Variants in TOX observed in about 807,000 individuals in gnomAD.
TOX encodes thymocyte selection-associated high mobility group box protein TOX.
TOX carries 11 observed loss-of-function variants against 53.7 expected under a neutral mutation model. The ratio of observed to expected loss-of-function variants is 0.20; its 90% CI spans 0.13 to 0.34. The LOEUF is 0.34. Ranked by LOEUF, TOX falls within the 10% of genes least tolerant of loss-of-function variation. TOX has a pLI of 1.00. For synonymous variants in TOX, 225 were observed against 245.3 expected, an observed-to-expected ratio of 0.92 and a Z score of 0.77; for missense variants, 570 against 664.6, an observed-to-expected ratio of 0.86 and a Z score of 1.56.
intron 7 of TOX, among the ~76,000 whole-genome samples, chr8:58,808,741 C>CT (rs1810029668): frequency 6.6e-6 from 1 of 152,218 alleles, no homozygotes; most frequent in Admixed American, 6.5e-5. Flanking sequence ...TCTCAAACCT[C>CT]TTTTTCTTCA....
At chr8:59,065,237 A>AAC (rs1804065969) in intron 1 of TOX, among the ~76,000 whole-genome samples, 3 of 152,094 alleles carry the variant, frequency 2.0e-5, no homozygotes, top group East Asian at 3.8e-4. Flanking sequence ...ACAACAACAA[A>AAC]AAAACCATTT....
chr8:58,870,136 G>A (rs377456657), intron 3 of TOX, among the ~76,000 whole-genome samples: 5 of 151,862 alleles, frequency 3.3e-5, no homozygotes, highest in South Asian at 2.1e-4. Context: ...AAATAAGACC[G>A]ACTCTATTCA....
chr8:59,103,936 T>C (rs973375838), intron 1 of TOX, among the ~76,000 whole-genome samples: 1 of 152,222 alleles, frequency 6.6e-6, no homozygotes, highest in Admixed American at 6.5e-5. Context: ...TCTGGGCTTA[T>C]CAATTAAAAA....
At chr8:59,092,365 A>T (rs912388149) in intron 1 of TOX, among the ~76,000 whole-genome samples, 4 of 98,886 alleles carry the variant, frequency 4.0e-5, no homozygotes, top group Non-Finnish European at 7.0e-5. Context: ...TTATATATAT[A>T]TAATAAAAAA....
intron 3 of TOX, among the ~76,000 whole-genome samples, chr8:58,861,922 G>A (rs115733174): frequency 6.4e-4 from 97 of 152,202 alleles, no homozygotes; most frequent in African/African-American, 2.2e-3. Flanking sequence ...TTAGATACAC[G>A]TGACATTCAG....
intron 2 of TOX, among the ~76,000 whole-genome samples, chr8:58,950,947 T>TAACTAAGAAATTACTGCTTTGTAA (rs1812611633): frequency 6.6e-6 from 1 of 152,228 alleles, no homozygotes; most frequent in Non-Finnish European, 1.5e-5. Context: ...CTTTTATATG[T>TAACTAAGAAATTACTGCTTTGTAA]GCACAAGTAT....
At chr8:58,979,140 C>A (rs921236581) in intron 1 of TOX, among the ~76,000 whole-genome samples, 6 of 152,156 alleles carry the variant, frequency 3.9e-5, no homozygotes, top group Non-Finnish European at 7.4e-5. Context: ...TAAGTAGATA[C>A]AGGATTTTAC....
At chr8:59,021,147 C>A (rs1176769680) in intron 1 of TOX, among the ~76,000 whole-genome samples, 41 of 143,140 alleles carry the variant, frequency 2.9e-4, no homozygotes, top group African/African-American at 1.0e-3. Flanking sequence ...AATTTAATTT[C>A]TCTAAACCAA....
chr8:58,936,232 A>C (rs1181455516), intron 3 of TOX, among the ~76,000 whole-genome samples: 3 of 152,170 alleles, frequency 2.0e-5, no homozygotes, highest in African/African-American at 7.2e-5. Flanking sequence ...AACACTCTCC[A>C]ACATGCCTTT....
At chr8:58,948,232 C>A (rs1177915412) in intron 2 of TOX, among the ~76,000 whole-genome samples, 1 of 152,098 alleles carries the variant, frequency 6.6e-6, no homozygotes, top group Admixed American at 6.5e-5. Flanking sequence ...GCACCTGAAG[C>A]AGATCAAATG....
chr8:59,065,440 T>C (rs1163090093), intron 1 of TOX, among the ~76,000 whole-genome samples: 1 of 152,234 alleles, frequency 6.6e-6, no homozygotes, highest in East Asian at 1.9e-4. Flanking sequence ...CAAGTTTTGT[T>C]ATTAATGTTT....
At chr8:58,975,147 T>C (rs1813068467) in intron 1 of TOX, among the ~76,000 whole-genome samples, 1 of 150,054 alleles carries the variant, frequency 6.7e-6, no homozygotes, top group African/African-American at 2.5e-5. Flanking sequence ...TACAGATATA[T>C]ATTATTATAT....
intron 1 of TOX, among the ~76,000 whole-genome samples, chr8:59,051,111 C>T (rs968474789): frequency 1.3e-5 from 2 of 152,034 alleles, no homozygotes; most frequent in Non-Finnish European, 2.9e-5. Context: ...TGATGGCATA[C>T]CCCGAACATA....
In TOX at chr8:58,851,259, G is replaced by A. The variant is rs920577695; in HGVS notation, c.693+265C>T. 6.0e-5 allele frequency among the ~76,000 whole-genome samples: 9 copies of A among 150,374 alleles called. No individual in the cohort carries two copies. The highest frequency in any genetic ancestry group is 2.2e-4 in the African/African-American group (9 of 40,720). On this transcript the variant is annotated intron_variant, in intron 4 of 8. Transcript: ENST00000361421. This position sits in a 1 kb window ranked among gnomAD's most constrained non-coding sequence, Gnocchi z 4.4. ...TACTGCCTTCTTAAAATGGTACATT[G>A]AATATACAGGCCCAACCTTCTGTGG... is the stretch of plus-strand genomic sequence containing the variant.
intron 1 of TOX, among the ~76,000 whole-genome samples, chr8:58,997,812 A>T (rs996263831): frequency 3.3e-5 from 5 of 151,932 alleles, no homozygotes; most frequent in Non-Finnish European, 5.9e-5. Flanking sequence ...GTTTTTTTTG[A>T]GACGGAGTCT....
intron 3 of TOX, among the ~76,000 whole-genome samples, chr8:58,877,464 T>C (rs1469080038): frequency 2.0e-5 from 3 of 152,234 alleles, no homozygotes; most frequent in Non-Finnish European, 4.4e-5. Flanking sequence ...ATTGGCACAC[T>C]TGACTTAGAA....
chr8:59,047,897 A>G (rs1803718849), intron 1 of TOX, among the ~76,000 whole-genome samples: 1 of 152,210 alleles, frequency 6.6e-6, no homozygotes, highest in Non-Finnish European at 1.5e-5. Context: ...AATTATTGCA[A>G]TATAAGTTCT....
chr8:58,857,945 T>A (rs1347554511), intron 3 of TOX, among the ~76,000 whole-genome samples: 1 of 152,120 alleles, frequency 6.6e-6, no homozygotes, highest in African/African-American at 2.4e-5. Flanking sequence ...ACTTGTTGTA[T>A]TTTTAGTAAA....
Position 59,118,380 on chromosome 8 carries a change from G to A in TOX, c.102+506C>T, listed in dbSNP as rs1053256050. 3.9e-5 allele frequency among the ~76,000 whole-genome samples: 6 copies of A among 152,146 alleles called. No homozygotes were observed. The highest frequency in any genetic ancestry group is 8.8e-5 in the Non-Finnish European group (6 of 68,024). ...GTTGTGGGGCAGTTTTCCCTGTGGGGGGCAGGGGCGCCTCCCAGGTCCCTG... is the reference window on the plus strand; with the variant it reads ...GTTGTGGGGCAGTTTTCCCTGTGGGAGGCAGGGGCGCCTCCCAGGTCCCTG... On this transcript the variant is annotated intron_variant, in intron 1 of 8. Coordinates refer to ENST00000361421, the MANE Select transcript of TOX (RefSeq NM_014729.3). This position sits in a 1 kb window ranked among gnomAD's most constrained non-coding sequence, Gnocchi z 4.1.
Sources: gnomAD v4.1 joint callset for allele counts (sites outside exome capture counted in the v4.1 genomes callset) on GRCh38, gnomAD v4.1.1 for gene constraint, Gnocchi (gnomAD v3.1) non-coding constraint, MANE v1.5 for transcripts, NCBI Gene and HGNC (gene_info 2026-07-23, HGNC 2026-07-21) for gene names.